Variants in PPP2R2B observed in about 807,000 individuals in gnomAD.
PPP2R2B encodes the protein serine/threonine-protein phosphatase 2A 55 kDa regulatory subunit B beta isoform.
In PPP2R2B, 5 loss-of-function variants were observed where a neutral mutation model predicts 46.0. The observed-to-expected ratio is 0.11, with a 90% CI of 0.06 to 0.23. The LOEUF is 0.23. PPP2R2B is among the 10% of genes least tolerant of loss of function. The pLI, the probability that PPP2R2B is intolerant of heterozygous loss-of-function variation, is 1.00. For synonymous variants in PPP2R2B, 215 were observed against 206.7 expected (o/e 1.04, Z -0.34); for missense variants, 367 against 575.0 (o/e 0.64, Z 3.70).
At chr5:147,059,975 TC>T (rs1290138875), upstream of PPP2R2B, among the ~76,000 whole-genome samples, 2 of 152,148 alleles carry the variant, frequency 1.3e-5, no homozygotes, top group African/African-American at 4.8e-5. Flanking sequence ...TTTTACAACC[TC>T]TTTTGGGGGA....
chr5:147,001,862 G>A (rs1330502891), intron 1 of PPP2R2B, among the ~76,000 whole-genome samples: 1 of 152,118 alleles, frequency 6.6e-6, no homozygotes, highest in East Asian at 1.9e-4. Context: ...GCATTGGTTT[G>A]CCTGGAACCA....
intron 1 of PPP2R2B, among the ~76,000 whole-genome samples, chr5:147,048,409 AC>A (rs1173857543): frequency 6.6e-6 from 1 of 152,170 alleles, no homozygotes; most frequent in African/African-American, 2.4e-5. Flanking sequence ...AATGAATAGT[AC>A]TTATCTCATA....
chr5:146,590,386 T>G (rs966913139), intron 9 of PPP2R2B, among the ~76,000 whole-genome samples, 160 bp from the exon 10 acceptor site: 6 of 129,664 alleles, frequency 4.6e-5, no homozygotes, highest in Non-Finnish European at 4.6e-5. Flanking sequence ...TGGCTTTTTG[T>G]TTTTTTTTTG....
At chr5:147,051,556 T>C (rs944832122) in intron 1 of PPP2R2B, among the ~76,000 whole-genome samples, 1 of 152,056 alleles carries the variant, frequency 6.6e-6, no homozygotes, top group Non-Finnish European at 1.5e-5. Context: ...GGAAATGAGA[T>C]AAAGACAATT....
chr5:147,052,769 T>A (rs1248131632), intron 1 of PPP2R2B, among the ~76,000 whole-genome samples: 1 of 152,072 alleles, frequency 6.6e-6, no homozygotes, highest in Admixed American at 6.6e-5. Context: ...AGGTTTTAAA[T>A]GTGAGTGTTT....
chr5:146,897,414 A>C (rs1762681628), intron 1 of PPP2R2B, among the ~76,000 whole-genome samples: 1 of 152,214 alleles, frequency 6.6e-6, no homozygotes, highest in Non-Finnish European at 1.5e-5. Context: ...CTAAGGTCAC[A>C]AGTGTGGGAG....
At chr5:146,693,376 A>G (rs1314021887) in intron 4 of PPP2R2B, among the ~76,000 whole-genome samples, 1 of 151,974 alleles carries the variant, frequency 6.6e-6, no homozygotes, top group Non-Finnish European at 1.5e-5. Context: ...CACCACGCCC[A>G]GAGAATTTTT....
intron 1 of PPP2R2B, among the ~76,000 whole-genome samples, chr5:147,047,867 AG>A (rs1035286358): frequency 1.1e-4 from 16 of 152,252 alleles, no homozygotes; most frequent in Non-Finnish European, 2.2e-4. Flanking sequence ...CTTCACCAAA[AG>A]TAACCTCTTT....
At chr5:146,608,907 G>C (rs1007269186) in intron 7 of PPP2R2B, among the ~76,000 whole-genome samples, 4 of 152,096 alleles carry the variant, frequency 2.6e-5, no homozygotes, top group Non-Finnish European at 5.9e-5. Flanking sequence ...AAATAGAGGA[G>C]GGAATACTTC....
chr5:146,671,301 A>G (rs1777353610), intron 5 of PPP2R2B, among the ~76,000 whole-genome samples: 1 of 152,228 alleles, frequency 6.6e-6, no homozygotes. Flanking sequence ...GGTCTTGAGA[A>G]TAGAAAAACA....
chr5:146,655,887 G>A (rs1303167452), intron 5 of PPP2R2B, among the ~76,000 whole-genome samples: 1 of 151,606 alleles, frequency 6.6e-6, no homozygotes, highest in Non-Finnish European at 1.5e-5. Context: ...GTGGGTGGGA[G>A]GTCCCCAAAG....
intron 1 of PPP2R2B, among the ~76,000 whole-genome samples, chr5:146,893,662 A>G (rs1762556035): frequency 6.6e-6 from 1 of 152,012 alleles, no homozygotes; most frequent in Admixed American, 6.6e-5. Flanking sequence ...AAAAATACAA[A>G]ATGAGAACAC....
In PPP2R2B at chr5:147,032,271, A is replaced by G. The variant is rs558107851; in HGVS notation, c.79+23394T>C. 8.2e-4 allele frequency among the ~76,000 whole-genome samples: 125 copies of G among 152,354 alleles called. 3 individuals carry two copies. Among genetic ancestry groups the G allele is most frequent in the African/African-American group, 2.9e-3 (122 of 41,586 alleles). ...AGACAATTCTCAAAAGAAGATACAC[A>G]AATGGCCAACAAATATATGAAAAAA... On this transcript the variant is annotated intron_variant, in intron 1 of 8. Coordinates refer to the PPP2R2B transcript ENST00000336640.
At chr5:146,835,749 C>G (rs1029667848) in intron 2 of PPP2R2B, among the ~76,000 whole-genome samples, 12 of 152,126 alleles carry the variant, frequency 7.9e-5, no homozygotes, top group African/African-American at 2.9e-4. Context: ...CTGTACTGTA[C>G]AGATATCGGT....
At chr5:146,605,083 T>C (rs1426302028) in intron 7 of PPP2R2B, among the ~76,000 whole-genome samples, 1 of 152,190 alleles carries the variant, frequency 6.6e-6, no homozygotes, top group Non-Finnish European at 1.5e-5. Context: ...ACTGAGCTTT[T>C]GTGCTGTGTG....
intron 1 of PPP2R2B, among the ~76,000 whole-genome samples, chr5:146,931,738 T>C (rs774067969): frequency 2.0e-5 from 3 of 152,186 alleles, no homozygotes; most frequent in Non-Finnish European, 4.4e-5. Context: ...TTGAGAAATA[T>C]CTATGTGTTC....
intron 1 of PPP2R2B, among the ~76,000 whole-genome samples, chr5:147,014,666 C>T (rs11959699): frequency 0.48 from 71,641 of 148,024 alleles, 18,473 homozygotes; most frequent in Middle Eastern, 0.61. Flanking sequence ...TATTCTCACT[C>T]ATAGGTGGGA....
chr5:146,997,681 A>C (rs1247590394), intron 1 of PPP2R2B, among the ~76,000 whole-genome samples: 4 of 152,260 alleles, frequency 2.6e-5, no homozygotes, highest in Admixed American at 2.6e-4. Flanking sequence ...CATTATTTTA[A>C]GCTAACAGTA....
rs79142342 is a variant in PPP2R2B at position 146,999,306 on chromosome 5, T to G, written c.79+56359A>C. 1.8e-3 allele frequency among the ~76,000 whole-genome samples: 268 copies of G among 152,268 alleles called. 4 individuals are homozygous for G. In the East Asian group the frequency reaches 0.046, roughly 26 times the overall value. On this transcript the variant is annotated intron_variant, in intron 1 of 8. Coordinates refer to the PPP2R2B transcript ENST00000336640. ...ATGATACTAAGGAAGGTGGTAAAAA[T>G]GATGTCTAGCTTATGATTTGTGGAC... is the stretch of plus-strand genomic sequence containing the variant.
Sources: gnomAD v4.1 joint callset for allele counts (sites outside exome capture counted in the v4.1 genomes callset) on GRCh38, gnomAD v4.1.1 for gene constraint, MANE v1.5 for transcripts, NCBI Gene and HGNC (gene_info 2026-07-23, HGNC 2026-07-21) for gene names.